TAMM41: variants seen among roughly 807,000 people sequenced by gnomAD.
TAMM41 encodes phosphatidate cytidylyltransferase, mitochondrial.
A neutral mutation model predicts 44.1 loss-of-function variants in TAMM41; 36 were observed. That is an observed-to-expected ratio of 0.82 (90% CI 0.63 to 1.08). The LOEUF is 1.08. Among genes scored for constraint, TAMM41 ranks in the 50% least tolerant of loss-of-function variants. TAMM41 has a pLI of 0.00. For missense variants in TAMM41, 417 were observed against 404.3 expected, an observed-to-expected ratio of 1.03 and a Z score of -0.27; for synonymous variants, 164 against 153.1, an observed-to-expected ratio of 1.07 and a Z score of -0.53.
chr3:11,786,872 G>A (rs1226949614), downstream of TAMM41, among the ~76,000 whole-genome samples: 1 of 152,152 alleles, frequency 6.6e-6, no homozygotes, highest in African/African-American at 2.4e-5. Context: ...GGGATTACAC[G>A]TGTGAGCCAC....
At chr3:11,813,948 A>G (rs1358899022) in intron 5 of TAMM41, among the ~76,000 whole-genome samples, 1 of 149,038 alleles carries the variant, frequency 6.7e-6, no homozygotes, top group Non-Finnish European at 1.5e-5. Flanking sequence ...ATGTGTATAT[A>G]TATGTATATA....
intron 7 of TAMM41, among the ~76,000 whole-genome samples, chr3:11,797,419 G>A (rs1205531812): frequency 6.6e-6 from 1 of 152,202 alleles, no homozygotes; most frequent in Non-Finnish European, 1.5e-5. Flanking sequence ...TTCAATAAAT[G>A]GTGCTGGGAA....
the TAMM41 span, among the ~76,000 whole-genome samples, chr3:11,764,483 A>ATTTTTTTT: frequency 2.3e-5 from 2 of 86,330 alleles, no homozygotes; most frequent in African/African-American, 1.0e-4. Context: ...CCATAATCTT[A>ATTTTTTTT]TTCTTTTTTT....
At chr3:11,773,273 G>T in the TAMM41 span, among the ~76,000 whole-genome samples, 2 of 149,880 alleles carry the variant, frequency 1.3e-5, no homozygotes, top group South Asian at 2.1e-4. Context: ...AGGTCTTTTT[G>T]ATTCCAAAGC....
downstream of TAMM41, among the ~76,000 whole-genome samples, chr3:11,789,706 G>A (rs1347141875): frequency 1.3e-5 from 2 of 152,184 alleles, no homozygotes; most frequent in Non-Finnish European, 2.9e-5. Flanking sequence ...GGGCTGTTGG[G>A]AAGGTTTCTT....
At chr3:11,751,293 T>C in the TAMM41 span, among the ~76,000 whole-genome samples, 1 of 152,050 alleles carries the variant, frequency 6.6e-6, no homozygotes, top group South Asian at 2.1e-4. Flanking sequence ...GGTTTCACCA[T>C]GTTGGCCAGT....
rs61264653 is a variant in TAMM41, at chr3:11,793,059, C to CAAAAAAAAAA, written c.938-2488_938-2479dup. Reference sequence around the variant, plus strand: ...CTGGCCACAGAGCAAGGCCCCATCTCAAAAAAAAAAAAAAAAAAAAAAAAA... The same window carrying CAAAAAAAAAA: ...CTGGCCACAGAGCAAGGCCCCATCTCAAAAAAAAAAAAAAAAAAAAAAAAAAAAAAAAAAA... On this transcript the variant is annotated intron_variant, in intron 7 of 7. Coordinates refer to ENST00000455809, the MANE Select transcript of TAMM41 (RefSeq NM_001284401.2). 8.3e-4 allele frequency among the ~76,000 whole-genome samples: 54 copies of CAAAAAAAAAA among 65,116 alleles called. 1 individual carries two copies. The highest frequency in any genetic ancestry group is 3.6e-3 in the African/African-American group (53 of 14,916). The allele number at this position is 65,116 out of a possible 152,430, so 42.7% of individuals were successfully genotyped here.
intron 4 of TAMM41, among the ~76,000 whole-genome samples, chr3:11,825,686 T>C (rs570909466): frequency 2.0e-5 from 3 of 152,310 alleles, no homozygotes; most frequent in East Asian, 1.9e-4. Context: ...CTCTCTCTCA[T>C]AGGAGAGTGC....
At chr3:11,751,407 G>C in the TAMM41 span, among the ~76,000 whole-genome samples, 1 of 152,084 alleles carries the variant, frequency 6.6e-6, no homozygotes, top group South Asian at 2.1e-4. Flanking sequence ...TTTTCCTTAT[G>C]AGCCCAAGCA....
At chr3:11,811,767 T>C (rs1247257190) in intron 5 of TAMM41, among the ~76,000 whole-genome samples, 1 of 152,120 alleles carries the variant, frequency 6.6e-6, no homozygotes. Context: ...AGAAGTGGAT[T>C]AGTGGTTGCC....
At chr3:11,781,083 G>C in the TAMM41 span, among the ~76,000 whole-genome samples, 1 of 152,096 alleles carries the variant, frequency 6.6e-6, no homozygotes, top group East Asian at 1.9e-4. Flanking sequence ...AATACCAGTT[G>C]AACTAAAGCC....
chr3:11,732,866 TG>T, the TAMM41 span, among the ~76,000 whole-genome samples: 5 of 151,934 alleles, frequency 3.3e-5, no homozygotes, highest in South Asian at 8.3e-4. Context: ...AAATAGGGGT[TG>T]GGGGGACAAA....
chr3:11,817,109 T>A, intron 5 of TAMM41, 83 bp downstream of exon 5: 1 of 1,424,514 alleles, frequency 7.0e-7, no homozygotes, highest in Non-Finnish European at 9.6e-7. Context: ...CTCACACCAG[T>A]CATGCTGTTC....
In TAMM41 at chr3:11,824,978, G is replaced by A. The variant is rs536570637; in HGVS notation, c.562+4736C>T. ...AGGCCCACTGGGGTGGGTGTGGGGA[G>A]GGGAGGTGTGACCCAGTGGGTCCTG... On this transcript the variant is annotated intron_variant, in intron 4 of 7. Coordinates refer to ENST00000455809, the MANE Select transcript of TAMM41 (RefSeq NM_001284401.2). Among the ~76,000 whole-genome samples the A allele has an allele frequency of 1.2e-4, 18 of 152,288 alleles. No individual in the cohort carries two copies. In the South Asian group the frequency reaches 3.5e-3, roughly 30 times the overall value.
In TAMM41 at chr3:11,837,760, C is replaced by T. The variant is rs77668401; in HGVS notation, c.411+1462G>A. ...CCTCCATGATACATGTCCTAGCAGA[C>T]AAGGTGACTGGGTGGTGCTAAGGGA... On this transcript the variant is annotated intron_variant, in intron 3 of 7. Transcript: ENST00000455809. 2.6e-5 allele frequency among the ~76,000 whole-genome samples: 4 copies of T among 152,304 alleles called. No individual in the cohort carries two copies. The East Asian group carries it at 7.7e-4, about 29-fold the overall frequency.
chr3:11,797,290 A>T (rs1214699700), intron 7 of TAMM41, among the ~76,000 whole-genome samples: 1 of 152,230 alleles, frequency 6.6e-6, no homozygotes, highest in Non-Finnish European at 1.5e-5. Flanking sequence ...TGCTGGTACA[A>T]AAACAGACAC....
At chr3:11,786,258 CATTT>C (rs58941446), downstream of TAMM41, among the ~76,000 whole-genome samples, 2,133 of 143,210 alleles carry the variant, frequency 0.015, 60 homozygotes, top group African/African-American at 0.049. Context: ...CATTAAGTTC[CATTT>C]ATTTATTTAT....
At chr3:11,779,966 T>C in the TAMM41 span, among the ~76,000 whole-genome samples, 1 of 152,102 alleles carries the variant, frequency 6.6e-6, no homozygotes, top group African/African-American at 2.4e-5. Context: ...TTGTACTGAG[T>C]CCACTTCCTA....
At chr3:11,825,977 T>C (rs984439702) in intron 4 of TAMM41, among the ~76,000 whole-genome samples, 1 of 152,168 alleles carries the variant, frequency 6.6e-6, no homozygotes, top group African/African-American at 2.4e-5. Context: ...GCTGACAACA[T>C]AATTCCACTT....
Sources: allele counts gnomAD v4.1 joint callset (sites outside exome capture counted in the v4.1 genomes callset), GRCh38; gene constraint gnomAD v4.1.1; transcripts MANE v1.5; gene names NCBI Gene and HGNC (gene_info 2026-07-23, HGNC 2026-07-21).